UNC80: variants seen among roughly 807,000 people sequenced by gnomAD.
UNC80 encodes unc-80 subunit of NALCN channel complex.
In UNC80, 164 loss-of-function variants were observed where a neutral mutation model predicts 384.6. That is an observed-to-expected ratio of 0.43 (90% confidence interval 0.38 to 0.49). The LOEUF (loss-of-function observed/expected upper bound fraction) is 0.49, where lower values mean the gene tolerates loss of function less well. Ranked by LOEUF, UNC80 falls within the 20% of genes least tolerant of loss-of-function variation. The probability of loss-of-function intolerance (pLI) is 0.00; values close to 1 mark genes in which losing one functional copy is unlikely to be tolerated. For synonymous variants in UNC80, 1,486 were observed against 1,527.8 expected, an observed-to-expected ratio of 0.97 and a Z score of 0.64; for missense variants, 3,330 against 4,143.0, an observed-to-expected ratio of 0.80 and a Z score of 5.39.
intron 22 of UNC80, among the ~76,000 whole-genome samples, chr2:209,868,616 A>T: frequency 6.6e-6 from 1 of 152,212 alleles, no homozygotes; most frequent in Admixed American, 6.5e-5. Flanking sequence ...TTCAAGGAAA[A>T]AATGGCAAAG....
intron 4 of UNC80, 117 bp from the exon 5 acceptor site, chr2:209,785,949 C>T: frequency 1.7e-6 from 2 of 1,173,962 alleles, no homozygotes; most frequent in South Asian, 1.7e-5. Flanking sequence ...GAAGGTTTGG[C>T]AGATAAATTC....
At chr2:209,977,553 T>C (rs914468587) in intron 58 of UNC80, among the ~76,000 whole-genome samples, 2 of 152,128 alleles carry the variant, frequency 1.3e-5, no homozygotes, top group African/African-American at 2.4e-5. Context: ...CAGTAGAAAA[T>C]AGATAAATAA....
At chr2:209,808,755 C>G (rs1012968223) in intron 7 of UNC80, 2 of 243,330 alleles carry the variant, frequency 8.2e-6, no homozygotes, top group Non-Finnish European at 8.0e-6. Flanking sequence ...GTGAGTGGGT[C>G]GCCTGCGCTA....
intron 48 of UNC80, 79 bp downstream of exon 48, chr2:209,954,349 A>T: frequency 7.5e-7 from 1 of 1,340,190 alleles, no homozygotes; most frequent in Non-Finnish European, 9.7e-7. Flanking sequence ...AAAAAATGTG[A>T]TGGATAAAAA....
At chr2:209,931,128 A>G (rs1373897209) in intron 38 of UNC80, 74 bp downstream of exon 38, 2 of 1,176,894 alleles carry the variant, frequency 1.7e-6, no homozygotes, top group African/African-American at 1.5e-5. Flanking sequence ...TTTTTTCAAT[A>G]AATTTCCATT....
intron 35 of UNC80, among the ~76,000 whole-genome samples, chr2:209,923,930 T>C (rs2090236715): frequency 6.6e-6 from 1 of 152,192 alleles, no homozygotes; most frequent in Admixed American, 6.5e-5. Flanking sequence ...AGGTAAGATA[T>C]GTGCCTGCCG....
rs1294058940 is a variant in UNC80, at chr2:209,969,900, C to A, written c.8130+9C>A. The A allele has an allele frequency of 6.4e-7, 1 of 1,551,244 alleles. No individual in the cohort carries two copies. The highest frequency in any genetic ancestry group is 2.4e-5 in the East Asian group (1 of 40,904). On this transcript the variant is annotated intron_variant, in intron 53 of 64. Transcript: ENST00000673920. ...ATGTCTGTGTCAATCTGGTGAGTAG[C>A]CAAGTGGCAATCTTATGAAACTTTG...
intron 13 of UNC80, among the ~76,000 whole-genome samples, chr2:209,825,316 G>A (rs2080434050): frequency 6.6e-6 from 1 of 152,052 alleles, no homozygotes; most frequent in Non-Finnish European, 1.5e-5. Flanking sequence ...CATCTCAGGG[G>A]GCCTTCCTAT....
At chr2:209,955,574 A>G (rs907841511) in intron 48 of UNC80, among the ~76,000 whole-genome samples, 1 of 150,990 alleles carries the variant, frequency 6.6e-6, no homozygotes, top group Non-Finnish European at 1.5e-5. Flanking sequence ...GAATATCCTA[A>G]AGAGAAATGA....
chr2:209,848,229 A>AT (rs1399610999), intron 21 of UNC80, among the ~76,000 whole-genome samples: 2 of 151,652 alleles, frequency 1.3e-5, no homozygotes, highest in African/African-American at 2.4e-5. Context: ...ATCATTTGAG[A>AT]TTTTGTCTTT....
rs1175342800 is a variant in UNC80, at chr2:209,839,654, G to C, written c.3250+224G>C. ...TACACTAGCCATCAAGGATTAAATA[G>C]CAAGCAAATACACACAGCCTCCTAA... On this transcript the variant is annotated intron_variant, in intron 19 of 64. Transcript: ENST00000673920. The surrounding 1 kb of genome is among the most constrained non-coding windows in gnomAD (Gnocchi z 4.1). Among the ~76,000 whole-genome samples the C allele has an allele frequency of 6.6e-6, 1 of 152,122 alleles. No homozygotes were observed. The highest frequency in any genetic ancestry group is 6.5e-5 in the Admixed American group (1 of 15,276).
chr2:209,881,201 C>A, intron 25 of UNC80, 107 bp downstream of exon 25: 4 of 1,269,552 alleles, frequency 3.2e-6, no homozygotes, highest in South Asian at 3.7e-5. Context: ...GCTAGTGTAT[C>A]ACATAATTTT....
chr2:209,972,458 T>C lies in UNC80; in HGVS notation c.8380+134T>C. On this transcript the variant is annotated intron_variant, in intron 55 of 64. Transcript: ENST00000673920. ...CTGAATGATTTAAATAGGGTCATCT[T>C]AGGAAATAAGAGTTTTTCTTTCTTT... 3 of 1,262,646 alleles carry C rather than the reference T, an allele frequency of 2.4e-6. No homozygotes were observed. In the South Asian group the frequency reaches 4.7e-5, roughly 20 times the overall value. 78.2% of individuals were successfully genotyped at this position (1,262,646 alleles called of 1,614,324 possible). A position where few individuals can be genotyped will look rare whatever the true frequency, so the allele number is the denominator to read the frequency against.
chr2:209,809,703 C>A (rs1381086507), intron 7 of UNC80: 1 of 491,528 alleles, frequency 2.0e-6, no homozygotes, highest in Non-Finnish European at 3.6e-6. Flanking sequence ...CTCCTGAGCG[C>A]CCCCATTTCT....
At chr2:209,918,775 C>T in intron 33 of UNC80, 112 bp downstream of exon 33, 1 of 1,239,160 alleles carries the variant, frequency 8.1e-7, no homozygotes, top group Non-Finnish European at 1.1e-6. Flanking sequence ...CACAGAAAGT[C>T]AGCACAAAAG....
chr2:209,828,541 T>G (rs951537138), intron 14 of UNC80, among the ~76,000 whole-genome samples: 2 of 152,116 alleles, frequency 1.3e-5, no homozygotes, highest in Admixed American at 1.3e-4. Context: ...AAGAATTTTT[T>G]CCTGGGCCTT....
chr2:209,816,616 A>G (rs886540081), intron 9 of UNC80, among the ~76,000 whole-genome samples: 1 of 152,214 alleles, frequency 6.6e-6, no homozygotes, highest in African/African-American at 2.4e-5. Flanking sequence ...TGCATTTCTA[A>G]TAAGTTCCCA....
At position 209,945,952 on chromosome 2, in the gene UNC80, A is replaced by G; in HGVS notation, c.7286+9A>G. 1.3e-6 allele frequency: 2 copies of G among 1,539,516 alleles called. No homozygotes were observed. The highest frequency in any genetic ancestry group is 1.8e-6 in the Non-Finnish European group (2 of 1,136,074). On this transcript the variant is annotated intron_variant, in intron 47 of 64. Coordinates refer to ENST00000673920, the MANE Select transcript of UNC80 (RefSeq NM_001371986.1). ...CCCGAATCATTCAGAAGGTATCTGC[A>G]GCCCTTTATTCTGTGCCTTGTGATA...
At chr2:209,970,751 C>T (rs1460391777) in intron 53 of UNC80, 81 bp from the exon 54 acceptor site, 4 of 1,432,090 alleles carry the variant, frequency 2.8e-6, no homozygotes, top group Non-Finnish European at 3.7e-6. Flanking sequence ...TTTTTATTAT[C>T]ATCATCATTG....
Sources: gnomAD v4.1 joint callset for allele counts (sites outside exome capture counted in the v4.1 genomes callset) on GRCh38, gnomAD v4.1.1 for gene constraint, Gnocchi (gnomAD v3.1) non-coding constraint, MANE v1.5 for transcripts, NCBI Gene and HGNC (gene_info 2026-07-23, HGNC 2026-07-21) for gene names.